TENM3: variants seen among roughly 807,000 people sequenced by gnomAD.
The protein encoded by TENM3 is teneurin-3.
TENM3 carries 63 observed loss-of-function variants against 255.1 expected under a neutral mutation model. That is an observed-to-expected ratio of 0.25 (90% confidence interval 0.20 to 0.30). The LOEUF is 0.30. Ranked by LOEUF, TENM3 falls within the 10% of genes least tolerant of loss-of-function variation. TENM3 has a pLI of 1.00. For missense variants in TENM3, 2,929 were observed against 3,461.1 expected (o/e 0.85, Z 3.86); for synonymous variants, 1,306 against 1,322.3 (o/e 0.99, Z 0.27).
At chr4:182,195,467 C>T (rs1446902243) in intron 1 of TENM3, among the ~76,000 whole-genome samples, 1 of 151,962 alleles carries the variant, frequency 6.6e-6, no homozygotes, top group African/African-American at 2.4e-5. Context: ...AGCAAGAGCT[C>T]GCCTCTACAA....
At chr4:181,867,774 C>A in the TENM3 span, among the ~76,000 whole-genome samples, 1 of 152,144 alleles carries the variant, frequency 6.6e-6, no homozygotes, top group Non-Finnish European at 1.5e-5. Flanking sequence ...ACCAATACCC[C>A]TGCTTGGCAA....
At chr4:181,523,080 A>G in the TENM3 span, 1 of 540,830 alleles carries the variant, frequency 1.8e-6, no homozygotes, top group Middle Eastern at 4.5e-4. Context: ...GCATGGGACA[A>G]AGACATCTTT....
At chr4:182,040,014 G>T in the TENM3 span, among the ~76,000 whole-genome samples, 1 of 40,928 alleles carries the variant, frequency 2.4e-5, no homozygotes, top group African/African-American at 1.2e-4. Context: ...GAGGGGAGGG[G>T]AGAAGAGGGC....
chr4:181,898,431 T>C, the TENM3 span, among the ~76,000 whole-genome samples: 1 of 152,212 alleles, frequency 6.6e-6, no homozygotes. Context: ...TATTTTCCAT[T>C]GATTAAATTT....
intron 3 of TENM3, among the ~76,000 whole-genome samples, chr4:182,596,355 G>T (rs956722667): frequency 3.3e-5 from 5 of 152,106 alleles, no homozygotes; most frequent in African/African-American, 4.8e-5. Context: ...AAGGTGAATC[G>T]CATGTGAATC....
the TENM3 span, among the ~76,000 whole-genome samples, chr4:181,554,893 C>A: frequency 2.0e-5 from 3 of 152,184 alleles, no homozygotes; most frequent in African/African-American, 7.2e-5. Context: ...GTTTTGCCAT[C>A]TATTGTAACA....
chr4:182,048,034 CT>C, the TENM3 span, among the ~76,000 whole-genome samples: 1 of 152,066 alleles, frequency 6.6e-6, no homozygotes, highest in Non-Finnish European at 1.5e-5. Context: ...CTAAATAAAC[CT>C]CTTTAATGTG....
At chr4:182,576,959 T>G (rs967675632) in intron 3 of TENM3, among the ~76,000 whole-genome samples, 1 of 152,184 alleles carries the variant, frequency 6.6e-6, no homozygotes, top group Non-Finnish European at 1.5e-5. Flanking sequence ...TCTTCCAGGC[T>G]TCCTTTCCTG....
chr4:181,583,762 C>T, the TENM3 span, among the ~76,000 whole-genome samples: 3 of 152,124 alleles, frequency 2.0e-5, no homozygotes, highest in Non-Finnish European at 2.9e-5. Flanking sequence ...TCTGTCCTTT[C>T]GAAACGTTCA....
intron 12 of TENM3, among the ~76,000 whole-genome samples, chr4:182,697,294 A>G (rs1757501649): frequency 6.6e-6 from 1 of 152,192 alleles, no homozygotes; most frequent in South Asian, 2.1e-4. Context: ...CTCCTGGCAC[A>G]TGAATAGTCT....
At chr4:181,988,177 T>G in the TENM3 span, among the ~76,000 whole-genome samples, 1 of 152,104 alleles carries the variant, frequency 6.6e-6, no homozygotes, top group South Asian at 2.1e-4. Flanking sequence ...CTATCGTATC[T>G]TTTTACTTCT....
intron 3 of TENM3, among the ~76,000 whole-genome samples, chr4:182,561,524 A>C (rs1743181751): frequency 6.6e-6 from 1 of 151,572 alleles, no homozygotes; most frequent in Admixed American, 6.6e-5. Context: ...CTCTTTTCCC[A>C]GTGTTTTTTA....
the TENM3 span, among the ~76,000 whole-genome samples, chr4:181,762,482 G>A: frequency 1.3e-5 from 2 of 152,126 alleles, no homozygotes; most frequent in Admixed American, 6.5e-5. Flanking sequence ...GTAAGCCATG[G>A]TTTGAAGACT....
upstream of TENM3, chr4:182,141,598 T>A (rs1749434249): frequency 6.6e-6 from 1 of 152,224 alleles, no homozygotes; most frequent in South Asian, 2.1e-4. Context: ...CAGCGACGCC[T>A]GGCATAGAGT....
the TENM3 span, among the ~76,000 whole-genome samples, chr4:181,619,872 G>A: frequency 2.6e-5 from 4 of 152,112 alleles, no homozygotes; most frequent in Middle Eastern, 3.2e-3. Flanking sequence ...CAAAATCCCC[G>A]TCAACAGCCG....
chr4:181,466,408 G>T, the TENM3 span, among the ~76,000 whole-genome samples: 3 of 152,086 alleles, frequency 2.0e-5, no homozygotes, highest in Admixed American at 6.5e-5. Context: ...GAGCCACCGC[G>T]CCTGGCCTGG....
upstream of TENM3, among the ~76,000 whole-genome samples, chr4:182,241,346 T>G (rs13122130): frequency 1.3e-5 from 2 of 152,110 alleles, no homozygotes; most frequent in South Asian, 4.1e-4. Context: ...ATGTTCTCTG[T>G]TTTTCTCTAA....
the TENM3 span, among the ~76,000 whole-genome samples, chr4:181,960,649 G>A: frequency 1.5e-4 from 23 of 152,236 alleles, no homozygotes; most frequent in African/African-American, 5.3e-4. Flanking sequence ...AGGGCTGATA[G>A]TTTCTGCTAA....
intron 24 of TENM3, among the ~76,000 whole-genome samples, chr4:182,784,926 G>A (rs1021430815): frequency 3.4e-4 from 52 of 152,168 alleles, no homozygotes; most frequent in African/African-American, 5.5e-4. Flanking sequence ...CGCACGGTGC[G>A]CGCACCCACT....
Sources: gnomAD v4.1 joint callset for allele counts (sites outside exome capture counted in the v4.1 genomes callset) on GRCh38, gnomAD v4.1.1 for gene constraint, MANE v1.5 for transcripts, NCBI Gene and HGNC (gene_info 2026-07-23, HGNC 2026-07-21) for gene names.